The following BCO1 variants were observed in gnomAD, a reference collection of about 807,000 sequenced individuals.
The protein encoded by BCO1 is beta-carotene oxygenase 1.
In BCO1, 54 loss-of-function variants were observed where a neutral mutation model predicts 56.3. The ratio of observed to expected loss-of-function variants is 0.96; its 90% CI spans 0.77 to 1.20. BCO1 has a LOEUF of 1.20. Among genes scored for constraint, BCO1 ranks in the 50% most tolerant of loss-of-function variants. The probability of loss-of-function intolerance (pLI) is 0.00; values close to 1 mark genes in which losing one functional copy is unlikely to be tolerated. For missense variants in BCO1, 801 were observed against 690.9 expected, an observed-to-expected ratio of 1.16 and a Z score of -1.79; for synonymous variants, 318 against 266.1, an observed-to-expected ratio of 1.20 and a Z score of -1.90.
intron 4 of BCO1, chr16:81,262,568 C>A (rs1209690125): frequency 2.5e-6 from 1 of 396,588 alleles, no homozygotes; most frequent in East Asian, 6.0e-5. Context: ...TGACCTACAC[C>A]TGTAATTCCA....
Position 81,262,192 on chromosome 16 carries a change from ACAT to A in BCO1, c.384_386del (p.Ile128del). On this transcript the variant is annotated inframe_deletion, in exon 4 of 11. Transcript: ENST00000258168. ...GATTTCACCGACAACTGCCTGATCA[ACAT>A]CATGAAGTGCGGAGAAGACTTCTAC... 6.2e-7 allele frequency: 1 copy of A among 1,613,998 alleles called. No individual in the cohort carries two copies.
intron 6 of BCO1, among the ~76,000 whole-genome samples, chr16:81,269,897 C>G (rs994568869): frequency 6.6e-6 from 1 of 152,154 alleles, no homozygotes; most frequent in East Asian, 1.9e-4. Context: ...CAAACACTGT[C>G]CTCCTAGTGA....
In BCO1 at chr16:81,287,225, A is replaced by T. The variant is rs8048342; in HGVS notation, c.1303-70A>T. On this transcript the variant is annotated intron_variant, in intron 9 of 10. Transcript: ENST00000258168. ...ATCTCCTCTGTGTGGATCTTCATGC[A>T]CTCCTATTTGCAGAGAATAGTATTC... The T allele has an allele frequency of 1.7e-6, 2 of 1,148,860 alleles. No individual in the cohort carries two copies. The highest frequency in any genetic ancestry group is 2.5e-5 in the South Asian group (2 of 81,278). The allele number at this position is 1,148,860 out of a possible 1,614,324, so 71.2% of individuals were successfully genotyped here. A position where few individuals can be genotyped will look rare whatever the true frequency, so the allele number is the denominator to read the frequency against.
At chr16:81,256,904 A>T (rs1906171437) in intron 2 of BCO1, among the ~76,000 whole-genome samples, 1 of 151,522 alleles carries the variant, frequency 6.6e-6, no homozygotes, top group Admixed American at 6.6e-5. Context: ...AAAAAAAAAA[A>T]GTTATCAGGC....
intron 1 of BCO1, among the ~76,000 whole-genome samples, chr16:81,241,588 G>A (rs1905112578): frequency 6.6e-6 from 1 of 152,174 alleles, no homozygotes; most frequent in Non-Finnish European, 1.5e-5. Context: ...CTTGGGGGGT[G>A]GAGCTCAGCA....
intron 2 of BCO1, among the ~76,000 whole-genome samples, chr16:81,257,771 C>T (rs1011184398): frequency 5.3e-5 from 8 of 150,478 alleles, no homozygotes; most frequent in African/African-American, 1.2e-4. Context: ...ACCAGCTACT[C>T]GGGGAGGCTG....
In BCO1 at chr16:81,238,775, G is replaced by C; in HGVS notation, c.-134G>C. 1 of 808,202 alleles carries C rather than the reference G, an allele frequency of 1.2e-6. No individual in the cohort carries two copies. The highest frequency in any genetic ancestry group is 2.2e-6 in the Non-Finnish European group (1 of 463,630). The allele number at this position is 808,202 out of a possible 1,614,324, so 50.1% of individuals were successfully genotyped here. On this transcript the variant is annotated 5_prime_UTR_variant, in exon 1 of 11. Coordinates refer to ENST00000258168, the MANE Select transcript of BCO1 (RefSeq NM_017429.3). ...AAAGCAAAGGCAGAAACGGCATCAGGAGAGACAGAGATGTGAAGGAGGGAA... is the reference window on the plus strand; with the variant it reads ...AAAGCAAAGGCAGAAACGGCATCAGCAGAGACAGAGATGTGAAGGAGGGAA...
chr16:81,260,568 G>A (rs1906422021), intron 3 of BCO1, among the ~76,000 whole-genome samples: 1 of 152,006 alleles, frequency 6.6e-6, no homozygotes, highest in Admixed American at 6.6e-5. Flanking sequence ...GAGTGCAATG[G>A]CGCAATCTCA....
intron 2 of BCO1, among the ~76,000 whole-genome samples, chr16:81,250,379 G>T (rs537280551): frequency 6.6e-5 from 10 of 152,146 alleles, no homozygotes; most frequent in Admixed American, 6.5e-4. Flanking sequence ...GTGTGGCATA[G>T]CCTGGCTTCA....
intron 1 of BCO1, among the ~76,000 whole-genome samples, chr16:81,243,092 G>A (rs891330339): frequency 8.5e-5 from 13 of 152,196 alleles, no homozygotes; most frequent in Non-Finnish European, 5.9e-5. Flanking sequence ...GGTAAGGGGA[G>A]AAGGGGGAGT....
rs138370116 is a variant in BCO1, at chr16:81,262,302, C to G, written c.471+19C>G. 3.7e-4 allele frequency: 600 copies of G among 1,607,582 alleles called. 6 individuals carry two copies. In the East Asian group the frequency reaches 6.4e-3, roughly 17 times the overall value. On this transcript the variant is annotated intron_variant, in intron 4 of 10. Transcript: ENST00000258168. ...GGAGAAGGTATCAACACATATGTAACCAGCATCACTTCCTGACTCAAGAAA... is the reference window on the plus strand; with the variant it reads ...GGAGAAGGTATCAACACATATGTAAGCAGCATCACTTCCTGACTCAAGAAA...
intron 10 of BCO1, 106 bp from the exon 11 acceptor site, chr16:81,290,242 G>T: frequency 1.1e-6 from 1 of 923,774 alleles, no homozygotes; most frequent in Non-Finnish European, 1.7e-6. Flanking sequence ...CTCCTGTTTT[G>T]GTTAGATACA....
At chr16:81,277,347 G>A (rs991824500) in intron 7 of BCO1, among the ~76,000 whole-genome samples, 3 of 152,082 alleles carry the variant, frequency 2.0e-5, no homozygotes, top group Admixed American at 6.6e-5. Flanking sequence ...GATCCCCCAC[G>A]TCTACAGATG....
intron 1 of BCO1, among the ~76,000 whole-genome samples, chr16:81,239,656 T>A (rs1905026544): frequency 6.6e-6 from 1 of 152,192 alleles, no homozygotes; most frequent in Admixed American, 6.5e-5. Flanking sequence ...CTCCCACGCA[T>A]GCACATCCAC....
intron 7 of BCO1, 110 bp downstream of exon 7, chr16:81,270,526 G>GAAA: frequency 2.7e-6 from 3 of 1,092,334 alleles, no homozygotes; most frequent in Non-Finnish European, 2.5e-6. Flanking sequence ...AACTGTTCTT[G>GAAA]AAAAAAAAAA....
intron 8 of BCO1, among the ~76,000 whole-genome samples, chr16:81,285,178 A>G (rs540738040): frequency 6.6e-6 from 1 of 152,312 alleles, no homozygotes; most frequent in East Asian, 1.9e-4. Context: ...ACATGCACGC[A>G]CACATATATA....
intron 5 of BCO1, among the ~76,000 whole-genome samples, chr16:81,266,197 C>G (rs1194719397): frequency 6.6e-6 from 1 of 152,230 alleles, no homozygotes; most frequent in Non-Finnish European, 1.5e-5. Context: ...CTGCCCTGTT[C>G]TCCAGGCCTT....
At chr16:81,245,424 A>G in intron 1 of BCO1, 51 bp from the exon 2 acceptor site, 1 of 1,614,038 alleles carries the variant, frequency 6.2e-7, no homozygotes. Context: ...TTCTTCCAGC[A>G]TTTTGGTTTG....
rs188977271 is a variant in BCO1, at chr16:81,255,042, C to G, written c.194-4634C>G. Among the ~76,000 whole-genome samples, 13 of 152,324 alleles carry G rather than the reference C, an allele frequency of 8.5e-5. 1 individual carries two copies. The East Asian group carries it at 2.5e-3, about 29-fold the overall frequency. On this transcript the variant is annotated intron_variant, in intron 2 of 10. Coordinates refer to ENST00000258168, the MANE Select transcript of BCO1 (RefSeq NM_017429.3). ...AAGCGATCCTCCCCTCTGGGCCTCT[C>G]AAACTGCTGGGATTACAGGCATGAG...
Sources: allele counts gnomAD v4.1 joint callset (sites outside exome capture counted in the v4.1 genomes callset), GRCh38; gene constraint gnomAD v4.1.1; transcripts MANE v1.5; gene names NCBI Gene and HGNC (gene_info 2026-07-23, HGNC 2026-07-21).